AKAP14: variants seen among roughly 807,000 people sequenced by gnomAD.
AKAP14 encodes the protein A-kinase anchor protein 14.
A neutral mutation model predicts 17.0 loss-of-function variants in AKAP14; 4 were observed. The ratio of observed to expected loss-of-function variants is 0.23; its 90% CI spans 0.12 to 0.54. AKAP14 has a LOEUF of 0.54. AKAP14 is among the 20% of genes least tolerant of loss of function. The pLI is 0.95. For synonymous variants in AKAP14, 42 were observed against 51.3 expected (o/e 0.82, Z 0.77); for missense variants, 129 against 150.9 (o/e 0.85, Z 0.76).
At chrX:119,915,544 T>G (rs916529096) in intron 5 of AKAP14, among the ~76,000 whole-genome samples, 6 of 111,881 alleles carry the variant, frequency 5.4e-5, no homozygotes, top group African/African-American at 1.9e-4. Flanking sequence ...TCACTCTTAT[T>G]GCCCAGGCTG....
chrX:119,919,964 G>A lies in AKAP14; in HGVS notation c.494+1G>A. ...GTGACCACCAAGCATTAGTTCACAG[G>A]TAATGAACATTTGGAGGTTTGTTTT... is the stretch of plus-strand genomic sequence containing the variant. On this transcript the variant is annotated splice_donor_variant, in intron 6 of 6. Transcript: ENST00000371431. LOFTEE classifies it high-confidence loss of function. 8.3e-7 allele frequency: 1 copy of A among 1,208,589 alleles called. No homozygotes were observed. The highest frequency in any genetic ancestry group is 1.1e-6 in the Non-Finnish European group (1 of 892,788).
chrX:119,912,239 C>T (rs1467196073), intron 4 of AKAP14, among the ~76,000 whole-genome samples: 3 of 110,129 alleles, frequency 2.7e-5, no homozygotes, highest in Non-Finnish European at 5.7e-5. Flanking sequence ...GCCCGGCCCA[C>T]GGGAGGTTTT....
At position 119,907,518 on chromosome X, in the gene AKAP14, C is replaced by T. The variant is rs750084803; in HGVS notation, c.261+3932C>T. 6.3e-5 allele frequency among the ~76,000 whole-genome samples: 7 copies of T among 110,462 alleles called. No individual in the cohort carries two copies. In the South Asian group the frequency reaches 1.2e-3, roughly 18 times the overall value. The stretch of plus-strand genomic sequence containing the variant: ...TGTCGCCCAAGCTGGAGTGCAGTGG[C>T]GCAATCTCGGCTCACTGCAGCCTCA... On this transcript the variant is annotated intron_variant, in intron 4 of 6. Coordinates refer to ENST00000371431, the MANE Select transcript of AKAP14 (RefSeq NM_178813.6).
intron 2 of AKAP14, among the ~76,000 whole-genome samples, chrX:119,897,670 C>A (rs1165695452): frequency 5.4e-5 from 6 of 112,032 alleles, no homozygotes; most frequent in African/African-American, 1.9e-4. Flanking sequence ...CACTGACCAC[C>A]CTTTAGCCTC....
chrX:119,896,809 T>TC (rs2056530304), intron 2 of AKAP14, among the ~76,000 whole-genome samples: 2 of 56,961 alleles, frequency 3.5e-5, no homozygotes, highest in African/African-American at 1.4e-4. Flanking sequence ...TCTTTTCTTT[T>TC]TTTCTTTTTT....
chrX:119,919,701 C>A, intron 5 of AKAP14: 2 of 327,498 alleles, frequency 6.1e-6, no homozygotes, highest in Non-Finnish European at 1.1e-5. Context: ...AAAAAAATAG[C>A]TGGGTGTGGT....
At chrX:119,912,874 A>T (rs748753898) in intron 4 of AKAP14, among the ~76,000 whole-genome samples, 1 of 111,466 alleles carries the variant, frequency 9.0e-6, no homozygotes, top group South Asian at 3.7e-4. Context: ...CCTATGTATT[A>T]GAATCCGCAG....
intron 4 of AKAP14, 63 bp from the exon 5 acceptor site, chrX:119,914,636 C>T: frequency 2.8e-6 from 3 of 1,089,304 alleles, no homozygotes; most frequent in Non-Finnish European, 3.7e-6. Context: ...CTGCATTTAT[C>T]TACAGGACTT....
rs762277966 is a variant in AKAP14 at position 119,900,154 on chromosome X, G to A, written c.-10-3060G>A. The stretch of plus-strand genomic sequence containing the variant: ...ATTGCCCAGGCTGGAGTGCAATGGC[G>A]TGATCTGGGCTCACCACAACCTCCG... On this transcript the variant is annotated intron_variant, in intron 2 of 6. Transcript: ENST00000371431. Among the ~76,000 whole-genome samples, 20 of 109,230 alleles carry A rather than the reference G, an allele frequency of 1.8e-4. 1 individual carries two copies. The highest frequency in any genetic ancestry group is 6.3e-4 in the African/African-American group (19 of 29,963). The allele number at this position is 109,230 out of a possible 115,157, so 94.9% of individuals were successfully genotyped here.
At chrX:119,903,432 A>C in intron 3 of AKAP14, 40 bp downstream of exon 3, 1 of 1,211,029 alleles carries the variant, frequency 8.3e-7, no homozygotes, top group Non-Finnish European at 1.1e-6. Context: ...ATAATTGTCT[A>C]TATAGTCTAA....
intron 4 of AKAP14, among the ~76,000 whole-genome samples, chrX:119,907,477 A>G (rs2056604205): frequency 9.2e-6 from 1 of 108,958 alleles, no homozygotes. Flanking sequence ...TTATTTATTG[A>G]GACAGAGTCT....
At chrX:119,911,511 T>C (rs1416871282) in intron 4 of AKAP14, among the ~76,000 whole-genome samples, 1 of 110,389 alleles carries the variant, frequency 9.1e-6, no homozygotes, top group Admixed American at 9.8e-5. Flanking sequence ...TCACATCTGG[T>C]TGGAAGAGGG....
At chrX:119,901,077 A>G (rs1219709479) in intron 2 of AKAP14, among the ~76,000 whole-genome samples, 1 of 112,148 alleles carries the variant, frequency 8.9e-6, no homozygotes, top group African/African-American at 3.2e-5. Flanking sequence ...ATTTATGATA[A>G]AAATCTTACT....
intron 5 of AKAP14, among the ~76,000 whole-genome samples, chrX:119,916,437 T>TATC (rs1556400859): frequency 3.3e-5 from 1 of 30,685 alleles, no homozygotes; most frequent in East Asian, 7.4e-4. Context: ...CTATCTAATC[T>TATC]ATCTATCTAT....
At chrX:119,897,373 A>G (rs969865517) in intron 2 of AKAP14, among the ~76,000 whole-genome samples, 3 of 106,205 alleles carry the variant, frequency 2.8e-5, no homozygotes, top group Non-Finnish European at 3.9e-5. Flanking sequence ...GTTAGCCAGG[A>G]TGGTCTCGAT....
rs765107118 is a variant in AKAP14, at chrX:119,896,805, C to CTTTTTTTTTTTTTTTTTT, written c.-11+545_-11+546insTTTTTTTTTTTTTTTTTT. Among the ~76,000 whole-genome samples the CTTTTTTTTTTTTTTTTTT allele has an allele frequency of 2.8e-5, 2 of 70,770 alleles. 1 individual carries two copies. The allele number at this position is 70,770 out of a possible 115,157, so 61.5% of individuals were successfully genotyped here. A position where few individuals can be genotyped will look rare whatever the true frequency, so the allele number is the denominator to read the frequency against. ...CAAATGGGCAATTTTCTTTTCTTTTCTTTTTTTCTTTTTTTTTTTTTTTGA... is the reference window on the plus strand; with the variant it reads ...CAAATGGGCAATTTTCTTTTCTTTTCTTTTTTTTTTTTTTTTTTTTTTTTTCTTTTTTTTTTTTTTTGA... On this transcript the variant is annotated intron_variant, in intron 2 of 6. Coordinates refer to ENST00000371431, the MANE Select transcript of AKAP14 (RefSeq NM_178813.6).
chrX:119,902,331 C>T (rs1297393105), intron 2 of AKAP14, among the ~76,000 whole-genome samples: 1 of 111,164 alleles, frequency 9.0e-6, no homozygotes, highest in Non-Finnish European at 1.9e-5. Flanking sequence ...GCCTCAGGCT[C>T]CCAAAGTGCT....
Position 119,903,328 on chromosome X carries a change from A to G in AKAP14, c.105A>G (p.Glu35=), listed in dbSNP as rs747169445. The stretch of plus-strand genomic sequence containing the variant: ...CACAAGACAAGAACTACGAGGATGA[A>G]TTGACTCAAGTAGCTCTAGCTCTGG... The part of the protein sequence containing the change: ...PNTQDKNYED[E]LTQVALALVE... Residue 35 remains glutamate, a synonymous_variant, in exon 3 of 7, where the codon GAA becomes GAG. Transcript: ENST00000371431. 1.6e-6 allele frequency: 2 copies of G among 1,212,298 alleles called. No individual in the cohort carries two copies. The highest frequency in any genetic ancestry group is 4.3e-5 in the Admixed American group (2 of 46,048).
chrX:119,899,166 C>CAAAA (rs56354303), intron 2 of AKAP14, among the ~76,000 whole-genome samples: 2 of 49,859 alleles, frequency 4.0e-5, no homozygotes, highest in African/African-American at 7.9e-5. Context: ...GACTCTGTCT[C>CAAAA]AAAAAAAAAA....
Sources: allele counts gnomAD v4.1 joint callset (sites outside exome capture counted in the v4.1 genomes callset), GRCh38; gene constraint gnomAD v4.1.1; transcripts MANE v1.5; gene names NCBI Gene and HGNC (gene_info 2026-07-23, HGNC 2026-07-21).